UGT3A1: variants seen among roughly 807,000 people sequenced by gnomAD.
UGT3A1 encodes the protein UDP glycosyltransferase family 3 member A1.
UGT3A1 carries 40 observed loss-of-function variants against 37.6 expected under a neutral mutation model. The observed-to-expected ratio is 1.06, with a 90% CI of 0.83 to 1.38. The LOEUF (loss-of-function observed/expected upper bound fraction) is 1.38, where lower values mean the gene tolerates loss of function less well. Among genes scored for constraint, UGT3A1 ranks in the 40% most tolerant of loss-of-function variants. The pLI is 0.00. For synonymous variants in UGT3A1, 256 were observed against 232.3 expected, an observed-to-expected ratio of 1.10 and a Z score of -0.93; for missense variants, 642 against 634.2, an observed-to-expected ratio of 1.01 and a Z score of -0.13.
intron 4 of UGT3A1, among the ~76,000 whole-genome samples, chr5:35,963,833 G>A (rs1739687094): frequency 6.6e-6 from 1 of 152,224 alleles, no homozygotes; most frequent in South Asian, 2.1e-4. Context: ...GGGTTAAGGA[G>A]AGGTGCTGTG....
rs1307611717 is a variant in UGT3A1 at position 35,972,500 on chromosome 5, TG to T, written c.197-4368del. ...AAACCAAGTCCTTGAAATACGTGTG[TG>T]TGTGTGTGTGTGTGTGTGTGTGTGT... On this transcript the variant is annotated intron_variant, in intron 2 of 6. Transcript: ENST00000274278. 2.9e-5 allele frequency among the ~76,000 whole-genome samples: 4 copies of T among 135,828 alleles called. No homozygotes were observed. The Admixed American group carries it at 3.2e-4, about 11-fold the overall frequency. 89.1% of individuals were successfully genotyped at this position (135,828 alleles called of 152,430 possible).
intron 2 of UGT3A1, among the ~76,000 whole-genome samples, chr5:35,972,059 C>G (rs563817678): frequency 6.6e-6 from 1 of 151,756 alleles, no homozygotes; most frequent in East Asian, 2.0e-4. Flanking sequence ...GCGCACCACC[C>G]TCAAGTCCAG....
At chr5:35,980,615 C>T (rs540498661) in intron 2 of UGT3A1, among the ~76,000 whole-genome samples, 2 of 152,270 alleles carry the variant, frequency 1.3e-5, no homozygotes, top group South Asian at 4.1e-4. Flanking sequence ...CTCTCCAAAT[C>T]CCTACTCATC....
intron 2 of UGT3A1, among the ~76,000 whole-genome samples, chr5:35,985,754 C>A (rs892542973): frequency 3.9e-5 from 6 of 152,132 alleles, no homozygotes; most frequent in African/African-American, 9.7e-5. Flanking sequence ...TATGAAACTA[C>A]TAGAAGAAGA....
chr5:35,973,382 T>C (rs116480162), intron 2 of UGT3A1, among the ~76,000 whole-genome samples: 1,813 of 152,082 alleles, frequency 0.012, 29 homozygotes, highest in African/African-American at 0.042. Context: ...TGGTGAAAGG[T>C]ATGTAAAGTT....
intron 2 of UGT3A1, among the ~76,000 whole-genome samples, chr5:35,968,531 C>T (rs565083068): frequency 6.6e-6 from 1 of 152,282 alleles, no homozygotes; most frequent in South Asian, 2.1e-4. Context: ...ATGCTCTTTT[C>T]TCTTTTAGAA....
At chr5:35,986,924 AC>A (rs1766038226) in intron 2 of UGT3A1, among the ~76,000 whole-genome samples, 1 of 152,140 alleles carries the variant, frequency 6.6e-6, no homozygotes, top group South Asian at 2.1e-4. Context: ...ATGTATTATC[AC>A]ATGCACCCTG....
chr5:35,970,576 C>T (rs1166082514), intron 2 of UGT3A1, among the ~76,000 whole-genome samples: 1 of 152,112 alleles, frequency 6.6e-6, no homozygotes, highest in African/African-American at 2.4e-5. Flanking sequence ...TCTTAAGACT[C>T]ATTTCCTAAA....
intron 2 of UGT3A1, among the ~76,000 whole-genome samples, chr5:35,980,258 A>G (rs1039167377): frequency 7.9e-5 from 12 of 152,238 alleles, no homozygotes; most frequent in Non-Finnish European, 1.5e-4. Context: ...AAAAATAAAG[A>G]AGACAGAATC....
At chr5:35,988,103 T>C (rs189946161) in intron 2 of UGT3A1, among the ~76,000 whole-genome samples, 6 of 152,320 alleles carry the variant, frequency 3.9e-5, no homozygotes, top group Admixed American at 2.0e-4. Flanking sequence ...TATACTTACA[T>C]AATAAAAGCC....
chr5:35,983,169 A>G (rs1466450409), intron 2 of UGT3A1, among the ~76,000 whole-genome samples: 2 of 142,456 alleles, frequency 1.4e-5, no homozygotes, highest in Non-Finnish European at 3.0e-5. Flanking sequence ...TAAAAAATAA[A>G]AAGAGAAGAT....
intron 2 of UGT3A1, among the ~76,000 whole-genome samples, chr5:35,980,248 A>G (rs1282395018): frequency 6.6e-6 from 1 of 152,228 alleles, no homozygotes; most frequent in Non-Finnish European, 1.5e-5. Context: ...TTAAACAACT[A>G]AAAATAAAGA....
chr5:35,977,718 C>T (rs190705678), intron 2 of UGT3A1, among the ~76,000 whole-genome samples: 45 of 152,236 alleles, frequency 3.0e-4, no homozygotes, highest in African/African-American at 1.1e-3. Flanking sequence ...ATTATGCTGC[C>T]TCAGGCAATA....
Position 35,951,946 on chromosome 5 carries a change from C to T in UGT3A1, c.*2256G>A, listed in dbSNP as rs1019428755. The T allele has an allele frequency of 1.3e-5, 2 of 152,116 alleles. No homozygotes were observed. The highest frequency in any genetic ancestry group is 2.9e-5 in the Non-Finnish European group (2 of 68,042). 9.4% of individuals were successfully genotyped at this position (152,116 alleles called of 1,614,324 possible). On this transcript the variant is annotated 3_prime_UTR_variant, in exon 7 of 7. Transcript: ENST00000274278. Reference sequence around the variant, plus strand: ...AGCAGTATTTGTTCCAGGCACTATGCCAGGTTCTATAACAAGATAAATAGG... The same window carrying T: ...AGCAGTATTTGTTCCAGGCACTATGTCAGGTTCTATAACAAGATAAATAGG...
At position 35,952,840 on chromosome 5, in the gene UGT3A1, A is replaced by C. The variant is rs944019727; in HGVS notation, c.*1362T>G. ...TGGCTCTTGTGTCATGAGAACTCAC[A>C]AAATGGATAGACATCCAGCACTCAG... On this transcript the variant is annotated 3_prime_UTR_variant, in exon 7 of 7. Transcript: ENST00000274278. 3 of 152,200 alleles carry C rather than the reference A, an allele frequency of 2.0e-5. No homozygotes were observed. The East Asian group carries it at 5.8e-4, about 29-fold the overall frequency. The allele number at this position is 152,200 out of a possible 1,614,324, so 9.4% of individuals were successfully genotyped here.
chr5:35,985,279 C>T (rs990050313), intron 2 of UGT3A1, among the ~76,000 whole-genome samples: 4 of 151,826 alleles, frequency 2.6e-5, no homozygotes, highest in Admixed American at 1.3e-4. Context: ...AATGCCAATA[C>T]TACCTAAAGC....
At chr5:35,980,188 G>A (rs1053358095) in intron 2 of UGT3A1, among the ~76,000 whole-genome samples, 1 of 152,094 alleles carries the variant, frequency 6.6e-6, no homozygotes, top group African/African-American at 2.4e-5. Context: ...AGAAAAGGAA[G>A]TTCAATCTGT....
Position 35,951,017 on chromosome 5 carries a change from T to G in UGT3A1, c.*3185A>C, listed in dbSNP as rs1739191049. ...AATAGACTACAAGATTCGTTTGGAG[T>G]TCTTTTTTTTTTCTGTTGATTGATT... On this transcript the variant is annotated 3_prime_UTR_variant, in exon 7 of 7. Transcript: ENST00000274278. 1 of 151,982 alleles carries G rather than the reference T, an allele frequency of 6.6e-6. No homozygotes were observed. Among genetic ancestry groups the G allele is most frequent in the Non-Finnish European group, 1.5e-5 (1 of 67,974 alleles). The allele number at this position is 151,982 out of a possible 1,614,324, so 9.4% of individuals were successfully genotyped here. A position where few individuals can be genotyped will look rare whatever the true frequency, so the allele number is the denominator to read the frequency against.
At chr5:35,984,084 T>C (rs1458116540) in intron 2 of UGT3A1, among the ~76,000 whole-genome samples, 1 of 152,052 alleles carries the variant, frequency 6.6e-6, no homozygotes, top group African/African-American at 2.4e-5. Flanking sequence ...AATAAAGACA[T>C]CCAAATTGGA....
Sources: allele counts gnomAD v4.1 joint callset (sites outside exome capture counted in the v4.1 genomes callset), GRCh38; gene constraint gnomAD v4.1.1; transcripts MANE v1.5; gene names NCBI Gene and HGNC (gene_info 2026-07-23, HGNC 2026-07-21).